Variants in GABRA3 observed in about 807,000 individuals in gnomAD.
The protein encoded by GABRA3 is gamma-aminobutyric acid type A receptor subunit alpha3.
Under a neutral mutation model 30.1 loss-of-function variants are expected in GABRA3, and 10 were observed. The observed-to-expected ratio is 0.33, with a 90% CI of 0.20 to 0.56. The LOEUF (loss-of-function observed/expected upper bound fraction) is 0.56, where lower values mean the gene tolerates loss of function less well. Among genes scored for constraint, GABRA3 ranks in the 20% least tolerant of loss-of-function variants. The pLI is 0.89. For missense variants in GABRA3, 233 were observed against 392.0 expected (o/e 0.59, Z 3.42); for synonymous variants, 151 against 146.8 (o/e 1.03, Z -0.21).
intron 1 of GABRA3, among the ~76,000 whole-genome samples, chrX:152,388,160 A>G (rs1433157291): frequency 1.8e-5 from 2 of 112,109 alleles, no homozygotes; most frequent in Non-Finnish European, 1.9e-5. Flanking sequence ...ATATATTAAT[A>G]TATTTGAAAG....
At chrX:152,176,000 G>A (rs1444338717) in intron 9 of GABRA3, among the ~76,000 whole-genome samples, 1 of 109,563 alleles carries the variant, frequency 9.1e-6, no homozygotes, top group Non-Finnish European at 1.9e-5. Context: ...GGAAATGGAG[G>A]TTGCAGTGAG....
At chrX:152,334,368 TAAAG>T (rs965303597) in intron 3 of GABRA3, among the ~76,000 whole-genome samples, 2 of 111,336 alleles carry the variant, frequency 1.8e-5, no homozygotes, top group African/African-American at 6.5e-5. Flanking sequence ...CTCAGTGCAA[TAAAG>T]AAAGAAAAAA....
At chrX:152,420,714 C>T (rs7066218) in intron 1 of GABRA3, among the ~76,000 whole-genome samples, 1,918 of 110,999 alleles carry the variant, frequency 0.017, 47 homozygotes, top group African/African-American at 0.058. Flanking sequence ...GATTATACTA[C>T]CAGATTAATT....
chrX:152,436,332 A>G (rs777952708), intron 1 of GABRA3, among the ~76,000 whole-genome samples: 2 of 112,100 alleles, frequency 1.8e-5, no homozygotes, highest in South Asian at 7.4e-4. Context: ...CCTCAACAAT[A>G]TTAACATTTT....
At chrX:152,449,645 G>A (rs937844376) in intron 1 of GABRA3, among the ~76,000 whole-genome samples, 1 of 111,033 alleles carries the variant, frequency 9.0e-6, no homozygotes, top group African/African-American at 3.3e-5. Flanking sequence ...AAGCCAGGCC[G>A]CTACTTTCCA....
At chrX:152,445,099 T>C (rs1224473641) in intron 1 of GABRA3, among the ~76,000 whole-genome samples, 2 of 107,947 alleles carry the variant, frequency 1.9e-5, no homozygotes, top group Admixed American at 2.0e-4. Context: ...ACTTGTGTTT[T>C]TTAAGAAATC....
At chrX:152,422,248 C>T (rs1930390932) in intron 1 of GABRA3, among the ~76,000 whole-genome samples, 1 of 111,264 alleles carries the variant, frequency 9.0e-6, no homozygotes, top group Admixed American at 9.6e-5. Flanking sequence ...TTTGCAACAA[C>T]GTGGATGAAT....
chrX:152,346,015 G>A (rs1019985787), intron 2 of GABRA3, among the ~76,000 whole-genome samples: 3 of 111,320 alleles, frequency 2.7e-5, no homozygotes, highest in Non-Finnish European at 3.8e-5. Flanking sequence ...AACATTTCCC[G>A]GCATACAGTT....
At chrX:152,384,322 A>G (rs1929238256) in intron 1 of GABRA3, among the ~76,000 whole-genome samples, 1 of 111,872 alleles carries the variant, frequency 8.9e-6, no homozygotes, top group Non-Finnish European at 1.9e-5. Context: ...AGATTTAATG[A>G]AAACCTTACC....
intron 3 of GABRA3, among the ~76,000 whole-genome samples, chrX:152,306,520 A>C (rs985888185): frequency 2.7e-5 from 3 of 111,940 alleles, no homozygotes; most frequent in African/African-American, 9.7e-5. Flanking sequence ...ATGTGTTGCA[A>C]GTGAGATGTG....
At chrX:152,324,671 T>C (rs1282346792) in intron 3 of GABRA3, among the ~76,000 whole-genome samples, 1 of 111,747 alleles carries the variant, frequency 8.9e-6, no homozygotes, top group Non-Finnish European at 1.9e-5. Flanking sequence ...AATAAAGACA[T>C]AGAAGACATG....
chrX:152,307,229 AG>A (rs1163405324), intron 3 of GABRA3, among the ~76,000 whole-genome samples: 1 of 111,935 alleles, frequency 8.9e-6, no homozygotes. Flanking sequence ...ACGAAATTAA[AG>A]TAAAGTAAAG....
intron 1 of GABRA3, among the ~76,000 whole-genome samples, chrX:152,387,438 A>C (rs1929355094): frequency 9.0e-6 from 1 of 111,714 alleles, no homozygotes; most frequent in Non-Finnish European, 1.9e-5. Flanking sequence ...TAAAGTGGGA[A>C]AGAAAAGGTT....
At chrX:152,440,878 G>A (rs1318503032) in intron 1 of GABRA3, among the ~76,000 whole-genome samples, 1 of 110,900 alleles carries the variant, frequency 9.0e-6, no homozygotes, top group African/African-American at 3.3e-5. Flanking sequence ...TGGGAGGCTA[G>A]GGGAGGGATA....
chrX:152,419,251 C>T (rs1260787270), intron 1 of GABRA3, among the ~76,000 whole-genome samples: 1 of 111,056 alleles, frequency 9.0e-6, no homozygotes. Flanking sequence ...TGTAACAAAC[C>T]TGCACGTTGT....
At chrX:152,352,915 T>C (rs771394727) in intron 2 of GABRA3, among the ~76,000 whole-genome samples, 2 of 111,126 alleles carry the variant, frequency 1.8e-5, no homozygotes, top group South Asian at 7.5e-4. Flanking sequence ...CAAATATTCC[T>C]CATGTTTTCA....
chrX:152,407,483 T>C (rs1929965070), intron 1 of GABRA3, among the ~76,000 whole-genome samples: 1 of 111,409 alleles, frequency 9.0e-6, no homozygotes, highest in Non-Finnish European at 1.9e-5. Flanking sequence ...CTAGAAGAAA[T>C]TGATAAATTC....
chrX:152,189,892 A>G lies in GABRA3; in HGVS notation c.981T>C (p.Asn327=). ...TCGCATATGCCACTTTAGGTAAGGA[A>G]TTTCTGGCACTGATACTCAAGGTGG... ...TMTTLSISAR[N]SLPKVAYATA... is the part of the protein sequence containing the mutation. The change falls in exon 9 of 10, where the codon AAT becomes AAC. Residue 327 remains asparagine, a synonymous_variant. Coordinates refer to ENST00000370314, the MANE Select transcript of GABRA3 (RefSeq NM_000808.4). The G allele has an allele frequency of 2.5e-6, 3 of 1,210,175 alleles. No homozygotes were observed. Among genetic ancestry groups the G allele is most frequent in the Non-Finnish European group, 2.2e-6 (2 of 894,793 alleles).
chrX:152,213,794 C>T (rs752170310), intron 6 of GABRA3, among the ~76,000 whole-genome samples: 2 of 111,753 alleles, frequency 1.8e-5, no homozygotes, highest in Non-Finnish European at 3.8e-5. Flanking sequence ...TGGTAAAAAT[C>T]CAAGGATTCT....
Sources: allele counts gnomAD v4.1 joint callset (sites outside exome capture counted in the v4.1 genomes callset), GRCh38; gene constraint gnomAD v4.1.1; transcripts MANE v1.5; gene names NCBI Gene and HGNC (gene_info 2026-07-23, HGNC 2026-07-21).